The following ARHGEF6 variants were observed in gnomAD, a reference collection of about 807,000 sequenced individuals.
ARHGEF6 encodes the protein Rac/Cdc42 guanine nucleotide exchange factor 6, also known as rho guanine nucleotide exchange factor 6.
Under a neutral mutation model 70.3 loss-of-function variants are expected in ARHGEF6, and 9 were observed. That is an observed-to-expected ratio of 0.13 (90% CI 0.08 to 0.22). The LOEUF (loss-of-function observed/expected upper bound fraction) is 0.22. ARHGEF6 is among the 10% of genes least tolerant of loss of function. The pLI is 1.00. For synonymous variants in ARHGEF6, 201 were observed against 207.8 expected (o/e 0.97, Z 0.28); for missense variants, 470 against 563.0 (o/e 0.83, Z 1.67).
intron 6 of ARHGEF6, among the ~76,000 whole-genome samples, chrX:136,722,726 C>T (rs933342114): frequency 4.5e-5 from 5 of 112,241 alleles, no homozygotes; most frequent in Non-Finnish European, 9.4e-5. Context: ...TAAAATGGTA[C>T]TGCTACTGTG....
At chrX:136,769,007 GGAAAGAGAGGA>G (rs1305226779) in intron 2 of ARHGEF6, among the ~76,000 whole-genome samples, 3 of 108,748 alleles carry the variant, frequency 2.8e-5, no homozygotes, top group Non-Finnish European at 1.9e-5. Context: ...TAAGAGAGGG[GGAAAGAGAGGA>G]GGAAGAGAGG....
At chrX:136,745,024 A>T (rs987746674) in intron 4 of ARHGEF6, among the ~76,000 whole-genome samples, 199 bp downstream of exon 4, 3 of 111,644 alleles carry the variant, frequency 2.7e-5, no homozygotes, top group Non-Finnish European at 5.6e-5. Context: ...TGGAGCTTCA[A>T]TCCGGATTTT....
At chrX:136,716,328 T>C (rs930532084) in intron 6 of ARHGEF6, among the ~76,000 whole-genome samples, 3 of 112,131 alleles carry the variant, frequency 2.7e-5, no homozygotes, top group Admixed American at 9.4e-5. Context: ...GCCTTCCACA[T>C]GGGGGAAGGA....
At chrX:136,759,294 TGCTTCACAGGCAGG>T (rs975370910) in intron 2 of ARHGEF6, among the ~76,000 whole-genome samples, 1 of 112,061 alleles carries the variant, frequency 8.9e-6, no homozygotes, top group African/African-American at 3.2e-5. Flanking sequence ...TGTTCAGGCC[TGCTTCACAGGCAGG>T]GCTTTTCATA....
At chrX:136,690,579 C>T (rs761333126) in intron 10 of ARHGEF6, 31 bp downstream of exon 10, 31 of 1,207,848 alleles carry the variant, frequency 2.6e-5, no homozygotes, top group Non-Finnish European at 3.5e-5. Context: ...ATACTTGGCA[C>T]ACGAGCTTGA....
chrX:136,778,872 A>G (rs373830624), intron 2 of ARHGEF6, among the ~76,000 whole-genome samples: 1 of 112,162 alleles, frequency 8.9e-6, no homozygotes. Context: ...AAGCAACTTG[A>G]TGCTCGTGTG....
intron 2 of ARHGEF6, chrX:136,768,647 T>C (rs1206802345): frequency 8.9e-6 from 1 of 112,599 alleles, no homozygotes; most frequent in Non-Finnish European, 1.9e-5. Flanking sequence ...GATCTGCTGA[T>C]ACCCGTTACA....
At chrX:136,710,878 A>G (rs1323436754) in intron 7 of ARHGEF6, among the ~76,000 whole-genome samples, 1 of 112,156 alleles carries the variant, frequency 8.9e-6, no homozygotes, top group African/African-American at 3.2e-5. Flanking sequence ...AAGAAGACTT[A>G]CAAATGGCCA....
intron 6 of ARHGEF6, among the ~76,000 whole-genome samples, chrX:136,722,765 T>C (rs1328310295): frequency 8.9e-6 from 1 of 112,151 alleles, no homozygotes; most frequent in Non-Finnish European, 1.9e-5. Context: ...CCTCAGAAAG[T>C]CAAACATAGA....
At chrX:136,733,907 TGCTGGAGTTCAGAGGG>T (rs1248088292) in intron 5 of ARHGEF6, among the ~76,000 whole-genome samples, 2 of 112,148 alleles carry the variant, frequency 1.8e-5, no homozygotes, top group Non-Finnish European at 3.8e-5. Context: ...CAGGGGTTCC[TGCTGGAGTTCAGAGGG>T]GCTGTGAGTT....
At chrX:136,714,143 CATT>C (rs2076714467) in intron 6 of ARHGEF6, among the ~76,000 whole-genome samples, 1 of 111,748 alleles carries the variant, frequency 8.9e-6, no homozygotes, top group African/African-American at 3.3e-5. Flanking sequence ...TAAAAATTAT[CATT>C]ATTATTATTA....
At chrX:136,779,319 A>G in intron 2 of ARHGEF6, 95 bp downstream of exon 2, 1 of 810,847 alleles carries the variant, frequency 1.2e-6, no homozygotes, top group East Asian at 3.1e-5. Context: ...TCAGTGGCCA[A>G]TGACAGTGAA....
intron 17 of ARHGEF6, 116 bp downstream of exon 17, chrX:136,677,820 T>G (rs980229388): frequency 2.2e-5 from 13 of 587,620 alleles, no homozygotes; most frequent in Non-Finnish European, 1.9e-5. Flanking sequence ...TCTTCATATT[T>G]TAGCCACCAA....
chrX:136,686,644 A>T (rs1165716305), intron 11 of ARHGEF6, among the ~76,000 whole-genome samples: 4 of 60,682 alleles, frequency 6.6e-5, no homozygotes, highest in African/African-American at 1.4e-4. Flanking sequence ...ATATATATAC[A>T]CACATATATA....
chrX:136,688,715 T>C (rs1022053269), intron 10 of ARHGEF6, among the ~76,000 whole-genome samples: 3 of 111,908 alleles, frequency 2.7e-5, no homozygotes, highest in African/African-American at 9.8e-5. Flanking sequence ...ATCAATCTAA[T>C]TCCATTTCCT....
At chrX:136,757,386 G>C (rs761004746) in intron 2 of ARHGEF6, among the ~76,000 whole-genome samples, 2 of 112,303 alleles carry the variant, frequency 1.8e-5, no homozygotes, top group South Asian at 7.4e-4. Flanking sequence ...GACAGAGCAA[G>C]ATGCCATCTC....
rs768221272 is a variant in ARHGEF6 at position 136,680,684 on chromosome X, TGACGAAA to T, written c.1704+40_1704+46del. The T allele has an allele frequency of 4.2e-6, 5 of 1,198,780 alleles. No homozygotes were observed. The South Asian group carries it at 8.8e-5, about 21-fold the overall frequency. Reference sequence around the variant, plus strand: ...TTGTAAGTCTCCAGCAGGCAGGAGTTGACGAAAGACTCAATAATCTCTGGACAGAACA... The same window carrying T: ...TTGTAAGTCTCCAGCAGGCAGGAGTTGACTCAATAATCTCTGGACAGAACA... On this transcript the variant is annotated intron_variant, in intron 15 of 21. Coordinates refer to ENST00000250617, the MANE Select transcript of ARHGEF6 (RefSeq NM_004840.3).
chrX:136,744,535 T>C lies in ARHGEF6; in HGVS notation c.459+688A>G, dbSNP rs192878620. 3.0e-3 allele frequency among the ~76,000 whole-genome samples: 332 copies of C among 111,804 alleles called. 1 individual carries two copies. Among genetic ancestry groups the C allele is most frequent in the African/African-American group, 0.01 (315 of 30,763 alleles). On this transcript the variant is annotated intron_variant, in intron 4 of 21. Coordinates refer to ENST00000250617, the MANE Select transcript of ARHGEF6 (RefSeq NM_004840.3). ...AGAGGGTACCAGGGGTGTAGAGACA[T>C]AGTGTTCATCAGCCTTTCAAAGGGA...
At chrX:136,767,648 C>A (rs1025426434) in intron 2 of ARHGEF6, 5 of 752,741 alleles carry the variant, frequency 6.6e-6, no homozygotes, top group Non-Finnish European at 1.6e-6. Context: ...AGGGGAGCGA[C>A]TGCCGGGGGA....
Sources: gnomAD v4.1 joint callset for allele counts (sites outside exome capture counted in the v4.1 genomes callset) on GRCh38, gnomAD v4.1.1 for gene constraint, MANE v1.5 for transcripts, NCBI Gene and HGNC (gene_info 2026-07-23, HGNC 2026-07-21) for gene names.